Variants in PCDH15 observed in about 807,000 individuals in gnomAD.
PCDH15 encodes protocadherin related 15.
In PCDH15, 129 loss-of-function variants were observed where a neutral mutation model predicts 178.5. The observed-to-expected ratio is 0.72, with a 90% CI of 0.63 to 0.84. The LOEUF is 0.84. Ranked by LOEUF, PCDH15 falls within the 40% of genes least tolerant of loss-of-function variation. The pLI, the probability that PCDH15 is intolerant of heterozygous loss-of-function variation, is 0.00. For synonymous variants in PCDH15, 800 were observed against 732.0 expected (o/e 1.09, Z -1.50); for missense variants, 2,230 against 2,099.9 (o/e 1.06, Z -1.21).
At chr10:54,201,751 TG>T (rs2050253726) in intron 10 of PCDH15, among the ~76,000 whole-genome samples, 1 of 2,044 alleles carries the variant, frequency 4.9e-4, no homozygotes. Context: ...GTTTTTCCAG[TG>T]TGTGTGTGTG....
rs1591850564 is a variant in PCDH15, at chr10:55,037,630, G to T, written c.-80+128946C>A. On this transcript the variant is annotated intron_variant, in intron 2 of 5. Coordinates refer to the PCDH15 transcript ENST00000458638. The stretch of plus-strand genomic sequence containing the variant: ...TTGACATCATGGATCTGAAATTAAG[G>T]ACAACTAGCTGAAGTATTAGCTTAG... Among the ~76,000 whole-genome samples, 3 of 152,174 alleles carry T rather than the reference G, an allele frequency of 2.0e-5. 1 individual carries two copies. The highest frequency in any genetic ancestry group is 2.0e-4 in the Admixed American group (3 of 15,282).
intron 3 of PCDH15, among the ~76,000 whole-genome samples, chr10:54,414,870 T>G (rs1014382673): frequency 6.6e-6 from 1 of 152,170 alleles, no homozygotes; most frequent in South Asian, 2.1e-4. Flanking sequence ...AGAATTAAAA[T>G]CATACTAGAG....
rs544612993 is a variant in PCDH15 at position 54,247,623 on chromosome 10, C to T, written c.877-10692G>A. ...CATATACACATATAGGGGCTCACAGCGCTTCATTGAGATGGCCTTTTGGGG... is the reference window on the plus strand; with the variant it reads ...CATATACACATATAGGGGCTCACAGTGCTTCATTGAGATGGCCTTTTGGGG... On this transcript the variant is annotated intron_variant, in intron 8 of 37. Coordinates refer to ENST00000644397, the MANE Select transcript of PCDH15 (RefSeq NM_001384140.1). Among the ~76,000 whole-genome samples the T allele has an allele frequency of 2.4e-3, 364 of 151,896 alleles. 1 individual carries two copies. The highest frequency in any genetic ancestry group is 8.4e-3 in the African/African-American group (348 of 41,510).
chr10:55,131,741 A>G (rs1838051135), intron 2 of PCDH15, among the ~76,000 whole-genome samples: 1 of 149,972 alleles, frequency 6.7e-6, no homozygotes. Flanking sequence ...AGGTCATTCC[A>G]TCATCTGCCT....
chr10:54,065,213 C>T (rs17643564), intron 18 of PCDH15, among the ~76,000 whole-genome samples: 31,477 of 152,094 alleles, frequency 0.21, 3,474 homozygotes, highest in Non-Finnish European at 0.25. Flanking sequence ...TTTTCCAGTT[C>T]CATAACCTCT....
At chr10:55,564,925 A>G (rs1021029660) in intron 2 of PCDH15, among the ~76,000 whole-genome samples, 6 of 151,722 alleles carry the variant, frequency 4.0e-5, no homozygotes, top group African/African-American at 1.4e-4. Flanking sequence ...ATCTACCCTT[A>G]GTAATGGATA....
chr10:54,236,846 C>T lies in PCDH15; in HGVS notation c.962G>A (p.Gly321Glu). The T allele has an allele frequency of 6.2e-7, 1 of 1,613,168 alleles. No homozygotes were observed. The highest frequency in any genetic ancestry group is 1.7e-5 in the Admixed American group (1 of 59,992). The change falls in exon 9 of 38, where the codon GGA becomes GAA. Residue 321 changes from glycine to glutamate, a missense_variant. Transcript: ENST00000644397. The part of the protein sequence containing the change: ...RNIQPPSDRP[G>E]ILYSILVGTP... ...ACCAACAAGGATGGAATAGAGGATTCCTGGCCTATCTGATGGCGGTTGAAT... is the reference window on the plus strand; with the variant it reads ...ACCAACAAGGATGGAATAGAGGATTTCTGGCCTATCTGATGGCGGTTGAAT...
intron 21 of PCDH15, among the ~76,000 whole-genome samples, chr10:53,981,957 TCAAA>T (rs2090683743): frequency 6.6e-6 from 1 of 151,134 alleles, no homozygotes; most frequent in Non-Finnish European, 1.5e-5. Flanking sequence ...TACAATGAAC[TCAAA>T]CAAATTTACA....
At chr10:55,500,556 T>G (rs1840635035) in intron 2 of PCDH15, among the ~76,000 whole-genome samples, 1 of 151,754 alleles carries the variant, frequency 6.6e-6, no homozygotes, top group African/African-American at 2.4e-5. Flanking sequence ...ACTAATTCAG[T>G]GGGACTAGAA....
At chr10:55,178,563 G>A (rs995502108) in intron 1 of PCDH15, among the ~76,000 whole-genome samples, 2 of 152,034 alleles carry the variant, frequency 1.3e-5, no homozygotes, top group East Asian at 1.9e-4. Context: ...ACCTTACAGT[G>A]TACTTCTTTC....
intron 18 of PCDH15, among the ~76,000 whole-genome samples, chr10:54,024,879 T>C (rs973245522): frequency 2.6e-5 from 4 of 152,084 alleles, no homozygotes; most frequent in African/African-American, 9.7e-5. Flanking sequence ...CTTTTTTTGG[T>C]CTGAAATTAC....
intron 3 of PCDH15, among the ~76,000 whole-genome samples, chr10:54,812,594 G>T (rs921136369): frequency 6.6e-6 from 1 of 151,996 alleles, no homozygotes; most frequent in African/African-American, 2.4e-5. Flanking sequence ...GAGTAGCTGG[G>T]ACTACAGGGT....
chr10:54,935,596 A>G (rs1013127305), intron 2 of PCDH15, among the ~76,000 whole-genome samples: 19 of 152,030 alleles, frequency 1.2e-4, no homozygotes, highest in African/African-American at 4.6e-4. Flanking sequence ...CCCAAATTAC[A>G]CACAAAGTAA....
chr10:55,041,200 A>T (rs1031809128), intron 2 of PCDH15, among the ~76,000 whole-genome samples: 9 of 152,156 alleles, frequency 5.9e-5, no homozygotes, highest in African/African-American at 1.9e-4. Flanking sequence ...AAAGTAAAAC[A>T]TGTATTCTCA....
chr10:54,371,049 A>G (rs141020620), intron 4 of PCDH15, among the ~76,000 whole-genome samples: 1 of 152,020 alleles, frequency 6.6e-6, no homozygotes, highest in African/African-American at 2.4e-5. Context: ...GAAGGCATTA[A>G]AATCATGTGT....
intron 1 of PCDH15, among the ~76,000 whole-genome samples, chr10:55,175,663 CA>C (rs71014459): frequency 0.067 from 7,178 of 106,418 alleles, 188 homozygotes; most frequent in African/African-American, 0.15. Flanking sequence ...GACTCTGTCT[CA>C]AAAAAAAAAA....
intron 3 of PCDH15, among the ~76,000 whole-genome samples, chr10:54,881,758 A>G (rs1954266382): frequency 6.6e-6 from 1 of 152,132 alleles, no homozygotes; most frequent in Non-Finnish European, 1.5e-5. Flanking sequence ...TAGATAATAA[A>G]TTGAAATCAT....
chr10:55,195,591 G>C (rs1840071326), intron 1 of PCDH15, among the ~76,000 whole-genome samples: 1 of 150,016 alleles, frequency 6.7e-6, no homozygotes, highest in African/African-American at 2.5e-5. Context: ...GAAGGCGGAG[G>C]ATGTAGTGAG....
chr10:54,495,447 GT>G (rs2080022183), intron 3 of PCDH15, among the ~76,000 whole-genome samples: 1 of 152,030 alleles, frequency 6.6e-6, no homozygotes, highest in African/African-American at 2.4e-5. Flanking sequence ...ATACTGACAC[GT>G]TTTACATAGA....
Sources: gnomAD v4.1 joint callset for allele counts (sites outside exome capture counted in the v4.1 genomes callset) on GRCh38, gnomAD v4.1.1 for gene constraint, MANE v1.5 for transcripts, NCBI Gene and HGNC (gene_info 2026-07-23, HGNC 2026-07-21) for gene names.